Variants in PCDHGC5 observed in about 807,000 individuals in gnomAD.
PCDHGC5 encodes the protein protocadherin gamma-C5.
A neutral mutation model predicts 59.0 loss-of-function variants in PCDHGC5; 25 were observed. That is an observed-to-expected ratio of 0.42 (90% CI 0.31 to 0.59). The LOEUF (loss-of-function observed/expected upper bound fraction) is 0.59, where lower values mean the gene tolerates loss of function less well. Among genes scored for constraint, PCDHGC5 ranks in the 20% least tolerant of loss-of-function variants. The pLI is 0.13. For synonymous variants in PCDHGC5, 434 were observed against 505.5 expected, an observed-to-expected ratio of 0.86 and a Z score of 1.90; for missense variants, 1,067 against 1,206.4, an observed-to-expected ratio of 0.88 and a Z score of 1.71.
At chr5:141,501,290 T>TACACACACAC (rs55762287) in intron 2 of PCDHGC5, among the ~76,000 whole-genome samples, 12 of 136,162 alleles carry the variant, frequency 8.8e-5, no homozygotes, top group Admixed American at 4.7e-4. Context: ...TATTCCCTTA[T>TACACACACAC]ACACACACAC....
chr5:141,509,809 A>G (rs13163163), intron 3 of PCDHGC5, among the ~76,000 whole-genome samples: 35,240 of 151,962 alleles, frequency 0.23, 4,247 homozygotes, highest in Admixed American at 0.33. Context: ...CATAGAGCCG[A>G]GCTCTTCTCC....
intron 3 of PCDHGC5, among the ~76,000 whole-genome samples, chr5:141,509,596 G>A (rs538867815): frequency 1.3e-5 from 2 of 152,258 alleles, no homozygotes; most frequent in Admixed American, 6.5e-5. Context: ...TGGCAATTCC[G>A]AGAGGCTGCA....
rs2099686717 is a variant in PCDHGC5, at chr5:141,489,403, A to C, written c.163A>C (p.Lys55Gln). The C allele has an allele frequency of 6.2e-7, 1 of 1,614,172 alleles. No homozygotes were observed. Among genetic ancestry groups the C allele is most frequent in the East Asian group, 2.2e-5 (1 of 44,884 alleles). Residue 55 changes from lysine (K) to glutamine (Q), a missense_variant, in exon 1 of 4, where the codon AAG becomes CAG. Coordinates refer to ENST00000252087, the MANE Select transcript of PCDHGC5 (RefSeq NM_018929.3). The surrounding 1 kb of genome is among the most constrained non-coding windows in gnomAD (Gnocchi z 4.5). ...GAATGTTGCTCAGGATCTGGGCTTA[A>C]AGATGACAGATCTGTTGAGCCGGCG... ...VGNVAQDLGL[K>Q]MTDLLSRRLQ... is the part of the protein sequence containing the mutation.
chr5:141,500,394 A>G (rs1024641290), intron 2 of PCDHGC5, among the ~76,000 whole-genome samples: 1 of 151,922 alleles, frequency 6.6e-6, no homozygotes, highest in Non-Finnish European at 1.5e-5. Flanking sequence ...TATTTTTAGT[A>G]GAGACGGGGT....
intron 3 of PCDHGC5, among the ~76,000 whole-genome samples, chr5:141,508,649 C>T (rs1303066200): frequency 6.6e-6 from 1 of 152,126 alleles, no homozygotes; most frequent in Non-Finnish European, 1.5e-5. Flanking sequence ...CCGTCAGGCC[C>T]TTCCTGTCAT....
intron 2 of PCDHGC5, among the ~76,000 whole-genome samples, chr5:141,502,253 T>C (rs1331834149): frequency 6.6e-6 from 1 of 152,232 alleles, no homozygotes; most frequent in South Asian, 2.1e-4. Context: ...TTTTTTTTAA[T>C]CCAGGATTTT....
chr5:141,501,789 C>T (rs367954511), intron 2 of PCDHGC5, among the ~76,000 whole-genome samples: 1 of 152,262 alleles, frequency 6.6e-6, no homozygotes, highest in South Asian at 2.1e-4. Context: ...TCTCCCTCTG[C>T]TCATCTCTTA....
At position 141,491,127 on chromosome 5, in the gene PCDHGC5, C is replaced by T. The variant is rs2099708654; in HGVS notation, c.1887C>T (p.Arg629=). Residue 629 remains arginine, a synonymous_variant, in exon 1 of 4, where the codon CGC becomes CGT. Transcript: ENST00000252087. This position sits in a 1 kb window ranked among gnomAD's most constrained non-coding sequence, Gnocchi z 6.9. ...TGTCTACACACACTGGTGAGGTGCGCACAGCCCGGGCCTTACTGGAGGATG... is the reference window on the plus strand; with the variant it reads ...TGTCTACACACACTGGTGAGGTGCGTACAGCCCGGGCCTTACTGGAGGATG... ...FLVSTHTGEV[R]TARALLEDDS... 1 of 1,614,076 alleles carries T rather than the reference C, an allele frequency of 6.2e-7. No individual in the cohort carries two copies. The highest frequency in any genetic ancestry group is 1.3e-5 in the African/African-American group (1 of 74,942).
chr5:141,508,270 G>C lies in PCDHGC5; in HGVS notation c.2609-2677G>C, dbSNP rs547745015. On this transcript the variant is annotated intron_variant, in intron 3 of 3. Coordinates refer to ENST00000252087, the MANE Select transcript of PCDHGC5 (RefSeq NM_018929.3). Reference sequence around the variant, plus strand: ...TCTCCTGGGACCAAGAGAAAATCCCGGTCCTTGACCAAGGTGGGCCTTGGG... The same window carrying C: ...TCTCCTGGGACCAAGAGAAAATCCCCGTCCTTGACCAAGGTGGGCCTTGGG... 4 of 152,228 alleles carry C rather than the reference G, an allele frequency of 2.6e-5. No individual in the cohort carries two copies. The East Asian group carries it at 7.7e-4, about 29-fold the overall frequency. 9.4% of individuals were successfully genotyped at this position (152,228 alleles called of 1,614,324 possible). A position where few individuals can be genotyped will look rare whatever the true frequency, so the allele number is the denominator to read the frequency against.
intron 2 of PCDHGC5, among the ~76,000 whole-genome samples, chr5:141,500,815 A>G (rs2099802742): frequency 6.6e-6 from 1 of 152,196 alleles, no homozygotes; most frequent in African/African-American, 2.4e-5. Context: ...ATGAATATAC[A>G]TATTATTTTT....
intron 2 of PCDHGC5, among the ~76,000 whole-genome samples, chr5:141,501,876 C>T (rs1463329895): frequency 6.6e-6 from 1 of 152,118 alleles, no homozygotes; most frequent in East Asian, 1.9e-4. Context: ...CGCCTCCTTA[C>T]ACTCCTGATC....
chr5:141,489,257 T>C lies in PCDHGC5; in HGVS notation c.17T>C (p.Leu6Pro), dbSNP rs2099684606. 5.8e-6 allele frequency: 9 copies of C among 1,550,190 alleles called. No homozygotes were observed. The highest frequency in any genetic ancestry group is 1.4e-5 in the African/African-American group (1 of 73,054). Residue 6 changes from leucine (L) to proline (P), a missense_variant, in exon 1 of 4, where the codon CTC (leucine) becomes CCC (proline). Physicochemically the swap from Leu to Pro is moderately conservative, Grantham distance 98. Transcript: ENST00000252087. This position sits in a 1 kb window ranked among gnomAD's most constrained non-coding sequence, Gnocchi z 4.5. MGPKT[L>P]PQLAGKWQVL... is the part of the protein sequence containing the mutation. Reference sequence around the variant, plus strand: ...TTCTGGGTCATGGGGCCCAAGACACTCCCACAGCTCGCTGGGAAATGGCAA... The same window carrying C: ...TTCTGGGTCATGGGGCCCAAGACACCCCCACAGCTCGCTGGGAAATGGCAA...
chr5:141,501,302 C>T (rs886901737), intron 2 of PCDHGC5, among the ~76,000 whole-genome samples: 14 of 151,156 alleles, frequency 9.3e-5, no homozygotes, highest in African/African-American at 2.9e-4. Flanking sequence ...CACACACACA[C>T]ACACACACAC....
chr5:141,503,372 G>A (rs1275544964), intron 2 of PCDHGC5, among the ~76,000 whole-genome samples: 1 of 151,968 alleles, frequency 6.6e-6, no homozygotes, highest in Non-Finnish European at 1.5e-5. Context: ...GGAGGCAGGT[G>A]GATCATGAGG....
Position 141,489,753 on chromosome 5 carries a change from T to A in PCDHGC5, c.513T>A (p.Thr171=), listed in dbSNP as rs549652158. Residue 171 remains threonine, a synonymous_variant, in exon 1 of 4, where the codon ACT becomes ACA. Transcript: ENST00000252087. The surrounding 1 kb of genome is among the most constrained non-coding windows in gnomAD (Gnocchi z 4.5). ...DVGTNTVSFY[T]LSPNSHFSLN... ...GCACCAATACTGTGAGCTTTTACAC[T>A]CTAAGCCCCAACAGCCACTTCTCTC... 6.2e-7 allele frequency: 1 copy of A among 1,614,070 alleles called. No homozygotes were observed. The highest frequency in any genetic ancestry group is 2.2e-5 in the East Asian group (1 of 44,866).
intron 2 of PCDHGC5, among the ~76,000 whole-genome samples, chr5:141,501,290 T>TACACATACAC (rs1224133816): frequency 4.6e-4 from 62 of 136,246 alleles, no homozygotes; most frequent in Admixed American, 7.0e-4. Flanking sequence ...TATTCCCTTA[T>TACACATACAC]ACACACACAC....
chr5:141,505,694 G>A, intron 3 of PCDHGC5, among the ~76,000 whole-genome samples: 1 of 152,208 alleles, frequency 6.6e-6, no homozygotes, highest in East Asian at 1.9e-4. Flanking sequence ...GCCTGGAGGA[G>A]AGCGAACAAG....
chr5:141,510,949 G>C lies in PCDHGC5; in HGVS notation c.2611G>C (p.Ala871Pro), dbSNP rs762789865. The C allele has an allele frequency of 2.2e-5, 36 of 1,614,012 alleles. No homozygotes were observed. The highest frequency in any genetic ancestry group is 3.0e-5 in the Non-Finnish European group (35 of 1,180,020). ...CTGATCTTCCTCTGTCTCTGCAGAA[G>C]CTGCTGATGGGAGCTCCACCCTGGG... ...QAMILASASE[A>P]ADGSSTLGGG... is the part of the protein sequence containing the mutation. The change falls in exon 4 of 4, where the codon GCT (alanine) becomes CCT (proline). Residue 871 changes from alanine (A) to proline (P), a missense_variant and splice_region_variant. Coordinates refer to ENST00000252087, the MANE Select transcript of PCDHGC5 (RefSeq NM_018929.3).
chr5:141,495,469 C>G (rs1398171981), intron 2 of PCDHGC5, among the ~76,000 whole-genome samples: 1 of 152,220 alleles, frequency 6.6e-6, no homozygotes, highest in Non-Finnish European at 1.5e-5. Flanking sequence ...TGTGGGGTCT[C>G]CGTGTCTCTG....
Sources: allele counts gnomAD v4.1 joint callset (sites outside exome capture counted in the v4.1 genomes callset), GRCh38; gene constraint gnomAD v4.1.1; non-coding constraint Gnocchi (gnomAD v3.1); transcripts MANE v1.5; gene names NCBI Gene and HGNC (gene_info 2026-07-23, HGNC 2026-07-21).